The following EP300 variants were observed in gnomAD, a reference collection of about 807,000 sequenced individuals.
The protein encoded by EP300 is EP300 lysine acetyltransferase, also known as histone acetyltransferase p300.
Under a neutral mutation model 264.0 loss-of-function variants are expected in EP300, and 31 were observed. The ratio of observed to expected loss-of-function variants is 0.12; its 90% CI spans 0.09 to 0.16. The LOEUF is 0.16. Ranked by LOEUF, EP300 falls within the 10% of genes least tolerant of loss-of-function variation. The pLI is 1.00. For synonymous variants in EP300, 1,340 were observed against 1,045.4 expected (o/e 1.28, Z -5.44); for missense variants, 2,766 against 3,052.9 (o/e 0.91, Z 2.21).
Position 41,117,168 on chromosome 22 carries a change from C to T in EP300, c.95-19C>T, listed in dbSNP as rs2145696189. 6.2e-7 allele frequency: 1 copy of T among 1,611,898 alleles called. No homozygotes were observed. Among genetic ancestry groups the T allele is most frequent in the Non-Finnish European group, 8.5e-7 (1 of 1,178,118 alleles). ...GGTTTTGTCATACTTTGACCTTTGT[C>T]TTTTCCCTTTGCTTTTAGATTTTGG... is the stretch of plus-strand genomic sequence containing the variant. On this transcript the variant is annotated intron_variant, in intron 1 of 30. Coordinates refer to ENST00000263253, the MANE Select transcript of EP300 (RefSeq NM_001429.4).
At chr22:41,176,157 TTG>T in intron 29 of EP300, 88 bp from the exon 30 acceptor site, 9 of 1,466,398 alleles carry the variant, frequency 6.1e-6, no homozygotes, top group Non-Finnish European at 8.5e-6. Context: ...GAGGCAGAGG[TTG>T]TAGTGAGCCA....
At chr22:41,094,948 T>C (rs1334506184) in intron 1 of EP300, among the ~76,000 whole-genome samples, 1 of 152,174 alleles carries the variant, frequency 6.6e-6, no homozygotes, top group Non-Finnish European at 1.5e-5. Flanking sequence ...TTTGAATAAT[T>C]ACAAGAGTTT....
At position 41,164,142 on chromosome 22, in the gene EP300, C is replaced by G; in HGVS notation, c.3806+12C>G. ...ATCTGGCCTGCTGGGTAAGTCTTAA[C>G]GTTGTTACTTTCTCTGGAATTTTTC... On this transcript the variant is annotated intron_variant, in intron 22 of 30. Transcript: ENST00000263253. 1.2e-6 allele frequency: 2 copies of G among 1,612,600 alleles called. No individual in the cohort carries two copies. Among genetic ancestry groups the G allele is most frequent in the Non-Finnish European group, 1.7e-6 (2 of 1,178,688 alleles).
intron 5 of EP300, among the ~76,000 whole-genome samples, chr22:41,130,608 A>T (rs1036359618): frequency 2.6e-5 from 4 of 152,160 alleles, no homozygotes; most frequent in Admixed American, 2.6e-4. Flanking sequence ...GGAACTCTCA[A>T]TACTTATTAT....
intron 27 of EP300, among the ~76,000 whole-genome samples, 183 bp downstream of exon 27, chr22:41,170,754 T>C (rs572230874): frequency 1.9e-4 from 28 of 143,826 alleles, no homozygotes; most frequent in African/African-American, 6.4e-4. Context: ...CTCCGCCTCC[T>C]GGGTTCATGC....
At chr22:41,137,066 G>GA (rs10717148) in intron 7 of EP300, among the ~76,000 whole-genome samples, 1 of 147,968 alleles carries the variant, frequency 6.8e-6, no homozygotes, top group African/African-American at 2.5e-5. Context: ...TCTCAAGAAG[G>GA]AAAAAAAAAT....
intron 29 of EP300, among the ~76,000 whole-genome samples, chr22:41,174,068 C>T (rs1039141955): frequency 5.9e-5 from 9 of 152,184 alleles, no homozygotes; most frequent in Admixed American, 2.0e-4. Flanking sequence ...CGAGGTCACT[C>T]CATTGCACTC....
intron 2 of EP300, among the ~76,000 whole-genome samples, chr22:41,120,029 G>A (rs181718619): frequency 6.6e-6 from 1 of 152,212 alleles, no homozygotes; most frequent in Non-Finnish European, 1.5e-5. Flanking sequence ...GCCCAGGCTC[G>A]TTGTGAACTC....
At chr22:41,093,146 A>G (rs144083750) in intron 1 of EP300, 48 bp downstream of exon 1, 2 of 1,554,182 alleles carry the variant, frequency 1.3e-6, no homozygotes, top group East Asian at 2.2e-5. Flanking sequence ...AATCTTTTCT[A>G]CTCGGTGCGC....
chr22:41,148,840 ATTTCTC>A, intron 12 of EP300, 192 bp from the exon 13 acceptor site: 1 of 642,282 alleles, frequency 1.6e-6, no homozygotes, highest in Non-Finnish European at 2.7e-6. Context: ...CTGTGAGGCT[ATTTCTC>A]TTTATCTTGG....
rs1474018422 is a variant in EP300 at position 41,131,531 on chromosome 22, C to A, written c.1426C>A (p.Gln476Lys). 6.2e-7 allele frequency: 1 copy of A among 1,614,046 alleles called. No homozygotes were observed. The change falls in exon 6 of 31, where the codon CAA becomes AAA. Residue 476 changes from glutamine to lysine, a missense_variant. Coordinates refer to ENST00000263253, the MANE Select transcript of EP300 (RefSeq NM_001429.4). ...RAYAALGLPYQVNQMPTQPQV... is the reference protein window; with the variant it reads ...RAYAALGLPYKVNQMPTQPQV... ...CTATGCAGCTCTTGGACTACCCTAT[C>A]AAGTAAATCAGATGCCGACACAACC...
chr22:41,140,096 A>G, intron 8 of EP300, 44 bp from the exon 9 acceptor site: 1 of 1,376,468 alleles, frequency 7.3e-7, no homozygotes, highest in Non-Finnish European at 1.0e-6. Flanking sequence ...AATACTAATT[A>G]AATGCTGACA....
chr22:41,178,136 G>A lies in EP300; in HGVS notation c.6425G>A (p.Arg2142Lys), dbSNP rs756742207. The change falls in exon 31 of 31, where the codon AGG becomes AAG. Residue 2142 changes from arginine (R) to lysine (K), a missense_variant. By Grantham distance (26) the Arg-to-Lys change is conservative. Transcript: ENST00000263253. ...NMNPMQAGVQ[R>K]AGLPQQQPQQ... ...AATCCAATGCAGGCGGGCGTTCAGAGGGCTGGCCTGCCCCAGCAGCAACCA... is the reference window on the plus strand; with the variant it reads ...AATCCAATGCAGGCGGGCGTTCAGAAGGCTGGCCTGCCCCAGCAGCAACCA... 9 of 1,614,122 alleles carry A rather than the reference G, an allele frequency of 5.6e-6. No individual in the cohort carries two copies. The highest frequency in any genetic ancestry group is 5.5e-5 in the South Asian group (5 of 91,076).
chr22:41,136,454 A>T (rs1431582247), intron 7 of EP300, among the ~76,000 whole-genome samples: 2 of 152,226 alleles, frequency 1.3e-5, no homozygotes, highest in African/African-American at 4.8e-5. Context: ...GTTAAGAATT[A>T]GTCCACCAGC....
At chr22:41,120,881 G>T (rs1298741337) in intron 2 of EP300, among the ~76,000 whole-genome samples, 1 of 152,112 alleles carries the variant, frequency 6.6e-6, no homozygotes, top group Non-Finnish European at 1.5e-5. Context: ...TGCCCTGCCA[G>T]TTATTTTTAT....
At chr22:41,106,956 G>T (rs1363534446) in intron 1 of EP300, among the ~76,000 whole-genome samples, 2 of 151,996 alleles carry the variant, frequency 1.3e-5, no homozygotes, top group African/African-American at 4.8e-5. Context: ...ACCCAGGCTG[G>T]AGTGCAGTAG....
rs182129243 is a variant in EP300, at chr22:41,161,490, G to T, written c.3671+768G>T. Among the ~76,000 whole-genome samples, 138 of 152,164 alleles carry T rather than the reference G, an allele frequency of 9.1e-4. 2 individuals are homozygous for T. Among genetic ancestry groups the T allele is most frequent in the Non-Finnish European group, 1.0e-3 (69 of 67,988 alleles). On this transcript the variant is annotated intron_variant, in intron 20 of 30. Transcript: ENST00000263253. ...AAATTAGCCGGGCATGGTGGTGGGCGCCTGTAGTCCCAGCTACTCGGGAGG... is the reference window on the plus strand; with the variant it reads ...AAATTAGCCGGGCATGGTGGTGGGCTCCTGTAGTCCCAGCTACTCGGGAGG...
rs761386616 is a variant in EP300, at chr22:41,177,823, A to G, written c.6112A>G (p.Ile2038Val). Residue 2038 changes from isoleucine (I) to valine (V), a missense_variant, in exon 31 of 31, where the codon ATC becomes GTC. Ile to Val is a conservative substitution (Grantham distance 29, BLOSUM62 3). Transcript: ENST00000263253. The stretch of plus-strand genomic sequence containing the variant: ...ACAACCAGGATTGGGCCAGGTAGGT[A>G]TCAGCCCACTCAAACCAGGCACTGT... Reference protein sequence around the residue: ...APQPGLGQVGISPLKPGTVSQ... With the variant: ...APQPGLGQVGVSPLKPGTVSQ... 7.4e-6 allele frequency: 12 copies of G among 1,613,992 alleles called. No individual in the cohort carries two copies. The highest frequency in any genetic ancestry group is 3.3e-5 in the Admixed American group (2 of 60,000).
rs2145512548 is a variant in EP300, at chr22:41,176,321, C to T, written c.4854C>T (p.Leu1618=). The stretch of plus-strand genomic sequence containing the variant: ...CTCCCATTGTTGATCCTGATCCTCT[C>T]ATCCCCTGCGATCTGATGGATGGTC... ...SLPPIVDPDP[L]IPCDLMDGRD... Residue 1618 remains leucine (L), a synonymous_variant, in exon 30 of 31, where the codon CTC becomes CTT. Coordinates refer to ENST00000263253, the MANE Select transcript of EP300 (RefSeq NM_001429.4). 1 of 1,614,218 alleles carries T rather than the reference C, an allele frequency of 6.2e-7. No individual in the cohort carries two copies. The highest frequency in any genetic ancestry group is 1.1e-5 in the South Asian group (1 of 91,084).
Sources: allele counts gnomAD v4.1 joint callset (sites outside exome capture counted in the v4.1 genomes callset), GRCh38; gene constraint gnomAD v4.1.1; transcripts MANE v1.5; gene names NCBI Gene and HGNC (gene_info 2026-07-23, HGNC 2026-07-21).